The following FRMD6 variants were observed in gnomAD, a reference collection of about 807,000 sequenced individuals.
FRMD6 encodes the protein FERM domain containing 6, also known as FERM domain-containing protein 6.
FRMD6 carries 37 observed loss-of-function variants against 73.2 expected under a neutral mutation model. The ratio of observed to expected loss-of-function variants is 0.51; its 90% CI spans 0.39 to 0.66. The LOEUF is 0.66. Among genes scored for constraint, FRMD6 ranks in the 30% least tolerant of loss-of-function variants. The pLI is 0.00. For missense variants in FRMD6, 714 were observed against 780.5 expected, an observed-to-expected ratio of 0.91 and a Z score of 1.02; for synonymous variants, 273 against 282.2, an observed-to-expected ratio of 0.97 and a Z score of 0.33.
intron 1 of FRMD6, among the ~76,000 whole-genome samples, chr14:51,550,745 A>G (rs920174406): frequency 2.0e-5 from 3 of 152,078 alleles, no homozygotes; most frequent in African/African-American, 7.2e-5. Flanking sequence ...GATCTTGGCA[A>G]TTTTCATCAT....
intron 11 of FRMD6, among the ~76,000 whole-genome samples, chr14:51,721,712 A>G (rs12897749): frequency 0.31 from 34,941 of 111,200 alleles, 5,617 homozygotes; most frequent in African/African-American, 0.4. Context: ...GGAAGGAAGG[A>G]AGGAAGGGAG....
chr14:51,721,724 G>GGAAGGAAGGA (rs1566598294), intron 11 of FRMD6, among the ~76,000 whole-genome samples: 10 of 85,022 alleles, frequency 1.2e-4, no homozygotes, highest in African/African-American at 5.5e-4. Flanking sequence ...GGAAGGGAGG[G>GGAAGGAAGGA]AGGAAGGGAG....
chr14:51,722,754 A>G (rs1376180168), intron 12 of FRMD6, among the ~76,000 whole-genome samples: 1 of 152,246 alleles, frequency 6.6e-6, no homozygotes, highest in Non-Finnish European at 1.5e-5. Context: ...CTTTTGTCAC[A>G]CATCATGAAT....
intron 12 of FRMD6, 96 bp downstream of exon 12, chr14:51,722,176 C>T (rs1897665747): frequency 3.7e-6 from 5 of 1,356,378 alleles, no homozygotes; most frequent in Admixed American, 3.6e-5. Flanking sequence ...GCTGGGGGCC[C>T]TAGACCAGAG....
chr14:51,600,958 C>T (rs1390814192), intron 2 of FRMD6, among the ~76,000 whole-genome samples: 1 of 152,162 alleles, frequency 6.6e-6, no homozygotes, highest in Non-Finnish European at 1.5e-5. Context: ...TAGCACTTGG[C>T]TTTGAAATGA....
At chr14:51,526,444 A>C (rs1485830361) in intron 1 of FRMD6, among the ~76,000 whole-genome samples, 1 of 152,194 alleles carries the variant, frequency 6.6e-6, no homozygotes, top group African/African-American at 2.4e-5. Flanking sequence ...CAGGAGTTAG[A>C]ATATAAACAT....
rs535633056 is a variant in FRMD6 at position 51,509,403 on chromosome 14, T to C, written c.-210+19983T>C. On this transcript the variant is annotated intron_variant, in intron 1 of 14. Coordinates refer to the FRMD6 transcript ENST00000356218. ...TTAGCCAGGCGTAGTGGCAGATGCC[T>C]GTAGTCCCAGCTACTCGGGAGGCTG... 1.4e-4 allele frequency among the ~76,000 whole-genome samples: 21 copies of C among 152,092 alleles called. No individual in the cohort carries two copies. The East Asian group carries it at 4.1e-3, about 30-fold the overall frequency.
At chr14:51,519,323 C>A (rs111743782) in intron 1 of FRMD6, among the ~76,000 whole-genome samples, 17,756 of 151,784 alleles carry the variant, frequency 0.12, 1,149 homozygotes, top group East Asian at 0.25. Flanking sequence ...TGCCACCATA[C>A]CCAGCTAATT....
At chr14:51,506,645 G>C (rs566188144) in intron 1 of FRMD6, among the ~76,000 whole-genome samples, 1 of 151,870 alleles carries the variant, frequency 6.6e-6, no homozygotes, top group South Asian at 2.1e-4. Flanking sequence ...TGCCCTTAAA[G>C]AAGATGACAG....
the FRMD6 span, among the ~76,000 whole-genome samples, chr14:51,429,021 GGA>G: frequency 1.4e-5 from 2 of 140,718 alleles, no homozygotes; most frequent in African/African-American, 2.7e-5. Context: ...AGAGAGGGTG[GGA>G]GAGAGAGGGG....
intron 1 of FRMD6, among the ~76,000 whole-genome samples, chr14:51,551,157 A>G (rs561155211): frequency 2.0e-5 from 3 of 152,250 alleles, no homozygotes; most frequent in African/African-American, 7.2e-5. Context: ...ATCTCCCACT[A>G]CTAAGTAAAA....
intron 3 of FRMD6, among the ~76,000 whole-genome samples, chr14:51,699,026 G>T (rs1311669270): frequency 6.6e-6 from 1 of 152,038 alleles, no homozygotes; most frequent in Non-Finnish European, 1.5e-5. Context: ...GCTGGAATTG[G>T]TTTAAATTTC....
chr14:51,405,029 C>T, the FRMD6 span, among the ~76,000 whole-genome samples: 2 of 152,066 alleles, frequency 1.3e-5, no homozygotes, highest in Non-Finnish European at 2.9e-5. Flanking sequence ...ATGCGGTATT[C>T]GGTTTTCTGT....
intron 9 of FRMD6, 91 bp from the exon 10 acceptor site, chr14:51,715,234 T>C: frequency 1.0e-6 from 1 of 967,390 alleles, no homozygotes; most frequent in Non-Finnish European, 1.5e-6. Context: ...TTTCAGAATC[T>C]ATAATTTTCC....
the FRMD6 span, among the ~76,000 whole-genome samples, chr14:51,397,551 C>G: frequency 1.3e-5 from 2 of 152,134 alleles, no homozygotes; most frequent in Non-Finnish European, 2.9e-5. Flanking sequence ...ACCTACTAAT[C>G]TTTTTTGCTT....
At chr14:51,409,624 C>T in the FRMD6 span, among the ~76,000 whole-genome samples, 7 of 152,162 alleles carry the variant, frequency 4.6e-5, no homozygotes, top group South Asian at 2.1e-4. Context: ...TTTGACACAG[C>T]GTCTCACTCT....
chr14:51,442,709 G>A, the FRMD6 span, among the ~76,000 whole-genome samples: 1 of 152,202 alleles, frequency 6.6e-6, no homozygotes, highest in East Asian at 1.9e-4. Context: ...TATTTGACAT[G>A]TTGAGTCTCC....
At chr14:51,437,106 G>T in the FRMD6 span, 1 of 341,814 alleles carries the variant, frequency 2.9e-6, no homozygotes, top group Non-Finnish European at 5.5e-6. Flanking sequence ...ATTTACATTA[G>T]GTATTTCTCC....
At chr14:51,534,909 A>G (rs1462977025) in intron 1 of FRMD6, among the ~76,000 whole-genome samples, 1 of 152,196 alleles carries the variant, frequency 6.6e-6, no homozygotes, top group East Asian at 1.9e-4. Context: ...TGGAGAACGC[A>G]GGGCCCCGGG....
Sources: allele counts gnomAD v4.1 joint callset (sites outside exome capture counted in the v4.1 genomes callset), GRCh38; gene constraint gnomAD v4.1.1; transcripts MANE v1.5; gene names NCBI Gene and HGNC (gene_info 2026-07-23, HGNC 2026-07-21).